MACROD2: variants seen among roughly 807,000 people sequenced by gnomAD.
MACROD2 encodes the protein mono-ADP ribosylhydrolase 2, also known as ADP-ribose glycohydrolase MACROD2.
A neutral mutation model predicts 70.4 loss-of-function variants in MACROD2; 36 were observed. That is an observed-to-expected ratio of 0.51 (90% confidence interval 0.39 to 0.68). MACROD2 has a LOEUF of 0.68. Ranked by LOEUF, MACROD2 falls within the 30% of genes least tolerant of loss-of-function variation. MACROD2 has a pLI of 0.00. For missense variants in MACROD2, 496 were observed against 538.4 expected (o/e 0.92, Z 0.78); for synonymous variants, 172 against 178.8 (o/e 0.96, Z 0.30).
chr20:14,466,532 C>T (rs1420669004), intron 3 of MACROD2, among the ~76,000 whole-genome samples: 1 of 152,100 alleles, frequency 6.6e-6, no homozygotes, highest in East Asian at 1.9e-4. Flanking sequence ...CTTCTCTCAA[C>T]TTGTCAAAGT....
chr20:14,326,760 C>G lies in MACROD2; in HGVS notation c.272-166719C>G. 1 of 1,613,772 alleles carries G rather than the reference C, an allele frequency of 6.2e-7. No individual in the cohort carries two copies. The highest frequency in any genetic ancestry group is 1.1e-5 in the South Asian group (1 of 91,086). On this transcript the variant is annotated intron_variant, in intron 3 of 17. Coordinates refer to ENST00000684519, the MANE Select transcript of MACROD2 (RefSeq NM_001351661.2). This position sits in a 1 kb window ranked among gnomAD's most constrained non-coding sequence, Gnocchi z 5.5. The stretch of plus-strand genomic sequence containing the variant: ...GGTTATCTTGAAGATAAAGCTTCCT[C>G]AGGTTTGTGCCTGGAAGGTTTACTG...
At chr20:16,033,338 C>T (rs2067180384) in intron 15 of MACROD2, among the ~76,000 whole-genome samples, 3 of 152,070 alleles carry the variant, frequency 2.0e-5, no homozygotes, top group African/African-American at 7.2e-5. Context: ...GTGCTTTCTC[C>T]TCTGAGATTT....
intron 3 of MACROD2, among the ~76,000 whole-genome samples, chr20:14,347,610 A>C (rs117218385): frequency 6.6e-6 from 1 of 152,236 alleles, no homozygotes; most frequent in Non-Finnish European, 1.5e-5. Flanking sequence ...GGGAAGAGAG[A>C]TGAGGCTTTC....
At chr20:15,095,996 T>G (rs990263515) in intron 5 of MACROD2, among the ~76,000 whole-genome samples, 36 of 152,192 alleles carry the variant, frequency 2.4e-4, no homozygotes, top group African/African-American at 7.9e-4. Flanking sequence ...ATCACTAAAA[T>G]CCTCAGCTGA....
intron 13 of MACROD2, among the ~76,000 whole-genome samples, chr20:15,972,975 GA>G (rs1433597136): frequency 1.3e-5 from 2 of 151,850 alleles, no homozygotes; most frequent in Admixed American, 1.3e-4. Context: ...CAAAAAGCAG[GA>G]AAAAAATTAA....
At chr20:14,073,225 A>T (rs1179065254) in intron 2 of MACROD2, among the ~76,000 whole-genome samples, 1 of 152,018 alleles carries the variant, frequency 6.6e-6, no homozygotes, top group African/African-American at 2.4e-5. Context: ...AATCCCAGCT[A>T]CTTGGGAGGC....
At position 14,326,249 on chromosome 20, in the gene MACROD2, A is replaced by G; in HGVS notation, c.272-167230A>G. ...TTCCAAGAGATATGAATGGTATCAG[A>G]GGTGACAGACTTCACAGTAATTGTA... On this transcript the variant is annotated intron_variant, in intron 3 of 17. Transcript: ENST00000684519. The surrounding 1 kb of genome is among the most constrained non-coding windows in gnomAD (Gnocchi z 5.5). 6.2e-7 allele frequency: 1 copy of G among 1,613,962 alleles called. No homozygotes were observed. The highest frequency in any genetic ancestry group is 2.2e-5 in the East Asian group (1 of 44,876).
At chr20:14,801,127 G>A (rs1427776282) in intron 5 of MACROD2, among the ~76,000 whole-genome samples, 40 of 152,176 alleles carry the variant, frequency 2.6e-4, no homozygotes, top group Admixed American at 2.6e-3. Flanking sequence ...AATTTAAAAT[G>A]AAGCTGGTGG....
intron 5 of MACROD2, among the ~76,000 whole-genome samples, chr20:15,067,788 G>T (rs907898377): frequency 2.0e-5 from 3 of 152,120 alleles, no homozygotes; most frequent in African/African-American, 7.2e-5. Context: ...GTGGGGAATG[G>T]TTATGTGTGA....
chr20:15,076,158 A>G (rs897490336), intron 5 of MACROD2, among the ~76,000 whole-genome samples: 1 of 152,092 alleles, frequency 6.6e-6, no homozygotes, highest in Non-Finnish European at 1.5e-5. Flanking sequence ...TTTGTGTTCC[A>G]CTTGCTTTCC....
intron 3 of MACROD2, among the ~76,000 whole-genome samples, chr20:14,466,388 G>A (rs530805559): frequency 6.6e-6 from 1 of 152,110 alleles, no homozygotes; most frequent in East Asian, 1.9e-4. Flanking sequence ...GCTCCATCAG[G>A]TCCTTTAAGG....
chr20:14,662,261 G>A (rs934745649), intron 4 of MACROD2, among the ~76,000 whole-genome samples: 1 of 151,870 alleles, frequency 6.6e-6, no homozygotes, highest in African/African-American at 2.4e-5. Context: ...TTAATAAATG[G>A]TGCTGCGATA....
Position 14,051,776 on chromosome 20 carries a change from G to A in MACROD2, c.164-33845G>A, listed in dbSNP as rs149064618. On this transcript the variant is annotated intron_variant, in intron 2 of 17. Transcript: ENST00000684519. Reference sequence around the variant, plus strand: ...TTAGGAATTGATTAGTATCAGAATAGTAACATGTAAGTATAATCACAGAGG... The same window carrying A: ...TTAGGAATTGATTAGTATCAGAATAATAACATGTAAGTATAATCACAGAGG... 7.9e-5 allele frequency: 36 copies of A among 453,570 alleles called. No individual in the cohort carries two copies. In the East Asian group the frequency reaches 2.4e-3, roughly 30 times the overall value. The allele number at this position is 453,570 out of a possible 1,614,324, so 28.1% of individuals were successfully genotyped here.
At chr20:14,243,516 T>C (rs2081945756) in intron 3 of MACROD2, among the ~76,000 whole-genome samples, 1 of 152,210 alleles carries the variant, frequency 6.6e-6, no homozygotes, top group African/African-American at 2.4e-5. Flanking sequence ...CTCTTCTTTA[T>C]ATCAGATTAA....
intron 4 of MACROD2, among the ~76,000 whole-genome samples, chr20:14,642,608 AAT>A (rs1382962340): frequency 3.3e-5 from 5 of 152,140 alleles, no homozygotes; most frequent in Non-Finnish European, 7.3e-5. Context: ...GCCTAATTTC[AAT>A]ATTGTTGTGT....
At chr20:15,139,642 T>A (rs1018886344) in intron 5 of MACROD2, among the ~76,000 whole-genome samples, 1 of 152,240 alleles carries the variant, frequency 6.6e-6, no homozygotes, top group East Asian at 1.9e-4. Context: ...AAAAAAATCA[T>A]GTGGATTTGC....
intron 8 of MACROD2, among the ~76,000 whole-genome samples, chr20:15,662,223 A>C (rs998075591): frequency 1.3e-5 from 2 of 152,230 alleles, no homozygotes. Flanking sequence ...TGTTAAAATT[A>C]CCAATACTAA....
chr20:15,188,227 C>T (rs775575536), intron 5 of MACROD2, among the ~76,000 whole-genome samples: 3 of 152,172 alleles, frequency 2.0e-5, no homozygotes, highest in South Asian at 2.1e-4. Context: ...GCCTCAATTC[C>T]GTATCAAAGT....
chr20:15,222,671 T>C (rs1212949810), intron 5 of MACROD2, among the ~76,000 whole-genome samples: 1 of 152,152 alleles, frequency 6.6e-6, no homozygotes, highest in African/African-American at 2.4e-5. Flanking sequence ...AAGAATGGAG[T>C]GAATGAAAGC....
Sources: gnomAD v4.1 joint callset for allele counts (sites outside exome capture counted in the v4.1 genomes callset) on GRCh38, gnomAD v4.1.1 for gene constraint, Gnocchi (gnomAD v3.1) non-coding constraint, MANE v1.5 for transcripts, NCBI Gene and HGNC (gene_info 2026-07-23, HGNC 2026-07-21) for gene names.